The following SORCS2 variants were observed in gnomAD, a reference collection of about 807,000 sequenced individuals.
SORCS2 encodes the protein sortilin related VPS10 domain containing receptor 2.
SORCS2 carries 100 observed loss-of-function variants against 141.6 expected under a neutral mutation model. The ratio of observed to expected loss-of-function variants is 0.71; its 90% CI spans 0.60 to 0.83. The LOEUF is 0.83. Ranked by LOEUF, SORCS2 falls within the 40% of genes least tolerant of loss-of-function variation. The probability of loss-of-function intolerance (pLI) is 0.00; values close to 1 mark genes in which losing one functional copy is unlikely to be tolerated. For synonymous variants in SORCS2, 789 were observed against 676.9 expected (o/e 1.17, Z -2.57); for missense variants, 1,646 against 1,560.2 (o/e 1.05, Z -0.93).
chr4:7,433,976 G>A (rs760270301), intron 2 of SORCS2: 17 of 1,613,646 alleles, frequency 1.1e-5, no homozygotes, highest in African/African-American at 1.3e-5. Context: ...TCCAGCTTCT[G>A]CACCACGTTC....
In SORCS2 at chr4:7,267,310, C is replaced by A. The variant is rs76951468; in HGVS notation, c.480+74184C>A. ...GATTTTCAATTCTTAGCACAAAACA[C>A]CTGCTTACTTGAGGGCAGAGCCTGG... On this transcript the variant is annotated intron_variant, in intron 1 of 26. Transcript: ENST00000507866. 2.0e-5 allele frequency among the ~76,000 whole-genome samples: 3 copies of A among 152,310 alleles called. No homozygotes were observed. In the East Asian group the frequency reaches 5.8e-4, roughly 29 times the overall value.
chr4:7,708,474 G>A (rs551161296), intron 14 of SORCS2, among the ~76,000 whole-genome samples: 69 of 152,226 alleles, frequency 4.5e-4, no homozygotes, highest in East Asian at 2.1e-3. Flanking sequence ...CCCGCTGGCC[G>A]GCCGACCTTT....
intron 3 of SORCS2, among the ~76,000 whole-genome samples, chr4:7,622,044 C>T (rs1719228456): frequency 6.6e-6 from 1 of 152,096 alleles, no homozygotes; most frequent in Non-Finnish European, 1.5e-5. Flanking sequence ...CTCAGTAAGG[C>T]CTGGAAATAC....
chr4:7,496,827 G>A (rs1577658850), intron 2 of SORCS2, among the ~76,000 whole-genome samples: 1 of 152,124 alleles, frequency 6.6e-6, no homozygotes, highest in Non-Finnish European at 1.5e-5. Context: ...AGTGGTGAGC[G>A]GCTGGGGAAG....
chr4:7,719,768 C>A (rs549123676), intron 18 of SORCS2, among the ~76,000 whole-genome samples: 8 of 152,300 alleles, frequency 5.3e-5, no homozygotes, highest in African/African-American at 1.7e-4. Context: ...TAGAGCCTGG[C>A]GTCTCGGCAG....
At chr4:7,355,237 C>T (rs910840562) in intron 1 of SORCS2, among the ~76,000 whole-genome samples, 2 of 152,120 alleles carry the variant, frequency 1.3e-5, no homozygotes, top group Non-Finnish European at 2.9e-5. Flanking sequence ...TCTCCCTTCT[C>T]CTTCTCTGTC....
At chr4:7,599,513 G>A (rs1452393969) in intron 3 of SORCS2, among the ~76,000 whole-genome samples, 1 of 152,180 alleles carries the variant, frequency 6.6e-6, no homozygotes, top group Non-Finnish European at 1.5e-5. Context: ...ATAACCCCAG[G>A]CCCCATGCCT....
At chr4:7,401,612 C>A (rs1427373834) in intron 2 of SORCS2, among the ~76,000 whole-genome samples, 2 of 152,134 alleles carry the variant, frequency 1.3e-5, no homozygotes, top group African/African-American at 4.8e-5. Context: ...CAGGGATCAC[C>A]CTTGCTTCAC....
chr4:7,608,241 G>T (rs1484788018), intron 3 of SORCS2, among the ~76,000 whole-genome samples: 1 of 152,172 alleles, frequency 6.6e-6, no homozygotes, highest in East Asian at 1.9e-4. Context: ...TGGCAGTGGG[G>T]CTGGCAGGAA....
At chr4:7,616,466 C>T (rs796090533) in intron 3 of SORCS2, among the ~76,000 whole-genome samples, 17 of 152,304 alleles carry the variant, frequency 1.1e-4, no homozygotes, top group African/African-American at 3.8e-4. Flanking sequence ...TTCATTCATC[C>T]ATCCTCTAGC....
In SORCS2 at chr4:7,435,973, T is replaced by C. The variant is rs371160736; in HGVS notation, c.548+39618T>C. 7.9e-4 allele frequency among the ~76,000 whole-genome samples: 121 copies of C among 152,348 alleles called. 2 individuals carry two copies. In the South Asian group the frequency reaches 0.025, roughly 31 times the overall value. On this transcript the variant is annotated intron_variant, in intron 2 of 26. Transcript: ENST00000507866. ...TCTGTAGGAACACACTTCCCAGTTATGTGGGTCGGGCAGCCTGGCCTGAAA... is the reference window on the plus strand; with the variant it reads ...TCTGTAGGAACACACTTCCCAGTTACGTGGGTCGGGCAGCCTGGCCTGAAA...
intron 1 of SORCS2, among the ~76,000 whole-genome samples, chr4:7,285,083 AGT>A (rs1716121680): frequency 6.6e-6 from 1 of 150,422 alleles, no homozygotes; most frequent in African/African-American, 2.4e-5. Flanking sequence ...CCCAGACTCG[AGT>A]GCAGTGGCAT....
chr4:7,426,642 C>T (rs532397954), intron 2 of SORCS2, among the ~76,000 whole-genome samples: 58 of 152,192 alleles, frequency 3.8e-4, no homozygotes, highest in Admixed American at 1.0e-3. Flanking sequence ...TTGTGTGTGC[C>T]GGGCCCTGGG....
chr4:7,595,373 T>G (rs2108781576), intron 3 of SORCS2, among the ~76,000 whole-genome samples: 2 of 152,224 alleles, frequency 1.3e-5, no homozygotes, highest in East Asian at 3.9e-4. Context: ...GTAGGCACGG[T>G]GGATTAAGTC....
chr4:7,527,678 A>C (rs1733782740), intron 2 of SORCS2, among the ~76,000 whole-genome samples: 1 of 151,638 alleles, frequency 6.6e-6, no homozygotes, highest in Non-Finnish European at 1.5e-5. Flanking sequence ...AGCCATGGGA[A>C]TCTCACAGGC....
At chr4:7,436,071 T>C (rs1297385836) in intron 2 of SORCS2, among the ~76,000 whole-genome samples, 1 of 152,134 alleles carries the variant, frequency 6.6e-6, no homozygotes, top group East Asian at 1.9e-4. Flanking sequence ...GGTACAGGGG[T>C]CAGGAAGAGA....
At chr4:7,582,126 T>C (rs1716199965) in intron 3 of SORCS2, among the ~76,000 whole-genome samples, 1 of 152,238 alleles carries the variant, frequency 6.6e-6, no homozygotes, top group African/African-American at 2.4e-5. Flanking sequence ...GAGAATATTA[T>C]GCCATTTATA....
chr4:7,541,266 C>T (rs1200569364), intron 3 of SORCS2, among the ~76,000 whole-genome samples: 1 of 152,194 alleles, frequency 6.6e-6, no homozygotes, highest in African/African-American at 2.4e-5. Context: ...CCCTTGCACA[C>T]AGTCTCATCC....
chr4:7,708,198 G>T (rs975433088), intron 14 of SORCS2, among the ~76,000 whole-genome samples: 1 of 152,192 alleles, frequency 6.6e-6, no homozygotes, highest in Non-Finnish European at 1.5e-5. Flanking sequence ...GATGCTTGGG[G>T]CCTTCTTGCT....
Sources: allele counts gnomAD v4.1 joint callset (sites outside exome capture counted in the v4.1 genomes callset), GRCh38; gene constraint gnomAD v4.1.1; transcripts MANE v1.5; gene names NCBI Gene and HGNC (gene_info 2026-07-23, HGNC 2026-07-21).